CCDC150: variants seen among roughly 807,000 people sequenced by gnomAD.
CCDC150 encodes coiled-coil domain containing 150.
In CCDC150, 151 loss-of-function variants were observed where a neutral mutation model predicts 156.5. That is an observed-to-expected ratio of 0.97 (90% CI 0.85 to 1.10). CCDC150 has a LOEUF of 1.10. CCDC150 is among the 50% of genes least tolerant of loss of function. The pLI is 0.00. For missense variants in CCDC150, 1,312 were observed against 1,268.1 expected (o/e 1.03, Z -0.53); for synonymous variants, 452 against 429.4 (o/e 1.05, Z -0.65).
intron 17 of CCDC150, among the ~76,000 whole-genome samples, chr2:196,714,575 TCG>T (rs1239770728): frequency 1.3e-5 from 2 of 152,180 alleles, no homozygotes; most frequent in African/African-American, 2.4e-5. Context: ...AGCTTCCCGG[TCG>T]CAAGACCCAG....
chr2:196,701,199 G>A lies in CCDC150; in HGVS notation c.1695+19G>A, dbSNP rs1696181742. 1 of 1,505,974 alleles carries A rather than the reference G, an allele frequency of 6.6e-7. No individual in the cohort carries two copies. Among genetic ancestry groups the A allele is most frequent in the South Asian group, 1.2e-5 (1 of 81,300 alleles). 93.3% of individuals were successfully genotyped at this position (1,505,974 alleles called of 1,614,324 possible). ...ACTCCAGGTATGAGATTTATTTTCTGATTTTTCTTGTTTGAATTTTAAAAA... is the reference window on the plus strand; with the variant it reads ...ACTCCAGGTATGAGATTTATTTTCTAATTTTTCTTGTTTGAATTTTAAAAA... On this transcript the variant is annotated intron_variant, in intron 15 of 27. Transcript: ENST00000389175.
At chr2:196,694,249 T>C (rs1204422866) in intron 13 of CCDC150, among the ~76,000 whole-genome samples, 1 of 151,756 alleles carries the variant, frequency 6.6e-6, no homozygotes, top group Non-Finnish European at 1.5e-5. Flanking sequence ...AGCAATGAGG[T>C]TTCTCCATGT....
At chr2:196,650,591 A>G (rs1692819921) in intron 2 of CCDC150, among the ~76,000 whole-genome samples, 2 of 152,242 alleles carry the variant, frequency 1.3e-5, no homozygotes, top group East Asian at 1.9e-4. Context: ...ACAGGGTTTC[A>G]CCATGTTGGT....
At chr2:196,642,037 C>T (rs1247240371) in intron 1 of CCDC150, among the ~76,000 whole-genome samples, 3 of 152,202 alleles carry the variant, frequency 2.0e-5, no homozygotes, top group Non-Finnish European at 2.9e-5. Flanking sequence ...TCTCCCTAAA[C>T]ATCAAGACAG....
At chr2:196,679,453 T>G (rs1037526444) in intron 13 of CCDC150, among the ~76,000 whole-genome samples, 3 of 152,220 alleles carry the variant, frequency 2.0e-5, no homozygotes, top group Non-Finnish European at 4.4e-5. Flanking sequence ...TCATTTAGCA[T>G]AAGGCATTTG....
At chr2:196,685,506 G>A (rs1375560727) in intron 13 of CCDC150, among the ~76,000 whole-genome samples, 1 of 152,044 alleles carries the variant, frequency 6.6e-6, no homozygotes, top group Non-Finnish European at 1.5e-5. Context: ...GCTCTTGTAT[G>A]AATTATTTCC....
At chr2:196,718,306 T>C in intron 17 of CCDC150, 197 bp from the exon 18 acceptor site, 1 of 345,470 alleles carries the variant, frequency 2.9e-6, no homozygotes, top group South Asian at 8.7e-5. Flanking sequence ...ATTAATGTAT[T>C]GGATTTGTCT....
chr2:196,657,550 A>G (rs1693288103), intron 4 of CCDC150: 1 of 176,560 alleles, frequency 5.7e-6, no homozygotes, highest in African/African-American at 2.4e-5. Context: ...GTGTTCAGAC[A>G]TGTTTGAGAG....
In CCDC150 at chr2:196,729,237, G is replaced by A; in HGVS notation, c.2601G>A (p.Val867=). The A allele has an allele frequency of 6.2e-7, 1 of 1,613,820 alleles. No homozygotes were observed. Among genetic ancestry groups the A allele is most frequent in the Non-Finnish European group, 8.5e-7 (1 of 1,179,832 alleles). Residue 867 remains valine, a synonymous_variant, in exon 23 of 28, where the codon GTG becomes GTA. Transcript: ENST00000389175. The part of the protein sequence containing the change: ...LDEANFRSVE[V]SRTNRELRQK... ...AAGCTAACTTCAGATCAGTGGAAGT[G>A]TCCCGGACCAACCGAGAGCTGCGAC... is the stretch of plus-strand genomic sequence containing the variant.
intron 21 of CCDC150, among the ~76,000 whole-genome samples, chr2:196,722,187 T>A (rs1697958961): frequency 6.6e-6 from 1 of 152,234 alleles, no homozygotes; most frequent in Admixed American, 6.5e-5. Context: ...CCTTAAATTA[T>A]ACCTCGGTAA....
intron 7 of CCDC150, 108 bp downstream of exon 7, chr2:196,666,956 C>A: frequency 8.6e-7 from 1 of 1,163,812 alleles, no homozygotes; most frequent in Non-Finnish European, 1.3e-6. Context: ...TTGGTATTTC[C>A]CACAGTGCTG....
intron 14 of CCDC150, among the ~76,000 whole-genome samples, chr2:196,696,950 G>A (rs1695864776): frequency 6.6e-6 from 1 of 152,124 alleles, no homozygotes; most frequent in South Asian, 2.1e-4. Flanking sequence ...TGTGTGACCT[G>A]GGCAGGTTCT....
At chr2:196,682,880 G>C (rs1412933970) in intron 13 of CCDC150, among the ~76,000 whole-genome samples, 2 of 151,974 alleles carry the variant, frequency 1.3e-5, no homozygotes, top group Admixed American at 6.6e-5. Flanking sequence ...AATAGAGATA[G>C]TTATTTTTTG....
intron 17 of CCDC150, chr2:196,713,448 G>C: frequency 6.4e-7 from 1 of 1,550,870 alleles, no homozygotes; most frequent in South Asian, 1.2e-5. Context: ...ATAAAGGAAA[G>C]AACGTCATCA....
At chr2:196,682,125 A>G (rs189503827) in intron 13 of CCDC150, among the ~76,000 whole-genome samples, 5 of 151,998 alleles carry the variant, frequency 3.3e-5, no homozygotes, top group Admixed American at 3.3e-4. Flanking sequence ...CTTTGAGTTT[A>G]TTTTATATGT....
intron 13 of CCDC150, among the ~76,000 whole-genome samples, chr2:196,682,379 C>T (rs532834844): frequency 2.0e-5 from 3 of 151,718 alleles, no homozygotes; most frequent in South Asian, 4.2e-4. Flanking sequence ...GAAGTTTTGA[C>T]GTCTAAATGT....
In CCDC150 at chr2:196,730,960, C is replaced by T. The variant is rs183580798; in HGVS notation, c.3069+15C>T. On this transcript the variant is annotated intron_variant, in intron 26 of 27. Coordinates refer to ENST00000389175, the MANE Select transcript of CCDC150 (RefSeq NM_001080539.2). ...AATCAGAACAGGTGAGCCAGACCCA[C>T]GGACATAAAGACTTAGACGTTTCCT... is the stretch of plus-strand genomic sequence containing the variant. The T allele has an allele frequency of 1.5e-5, 23 of 1,577,948 alleles. No homozygotes were observed. The Admixed American group carries it at 2.6e-4, about 18-fold the overall frequency.
At chr2:196,648,007 A>G (rs1692645133) in intron 2 of CCDC150, among the ~76,000 whole-genome samples, 1 of 151,972 alleles carries the variant, frequency 6.6e-6, no homozygotes, top group Non-Finnish European at 1.5e-5. Flanking sequence ...AAATCATGCT[A>G]TTTGTTTTTC....
Position 196,639,723 on chromosome 2 carries a change from G to T in CCDC150, c.-44G>T. The T allele has an allele frequency of 2.0e-6, 3 of 1,516,200 alleles. No homozygotes were observed. The highest frequency in any genetic ancestry group is 2.7e-6 in the Non-Finnish European group (3 of 1,123,376). The allele number at this position is 1,516,200 out of a possible 1,614,324, so 93.9% of individuals were successfully genotyped here. The stretch of plus-strand genomic sequence containing the variant: ...GTTTAAAATGCTGTGTTAGTTCCAC[G>T]GAAACCCGCTCGCCTGCTGCAGTAC... On this transcript the variant is annotated 5_prime_UTR_variant, in exon 1 of 28. Coordinates refer to ENST00000389175, the MANE Select transcript of CCDC150 (RefSeq NM_001080539.2).
Sources: gnomAD v4.1 joint callset for allele counts (sites outside exome capture counted in the v4.1 genomes callset) on GRCh38, gnomAD v4.1.1 for gene constraint, MANE v1.5 for transcripts, NCBI Gene and HGNC (gene_info 2026-07-23, HGNC 2026-07-21) for gene names.